Variants in EPB41L4A observed in about 807,000 individuals in gnomAD.
EPB41L4A encodes the protein band 4.1-like protein 4A.
EPB41L4A carries 100 observed loss-of-function variants against 108.6 expected under a neutral mutation model. The ratio of observed to expected loss-of-function variants is 0.92; its 90% CI spans 0.78 to 1.09. EPB41L4A has a LOEUF of 1.09. Among genes scored for constraint, EPB41L4A ranks in the 50% least tolerant of loss-of-function variants. EPB41L4A has a pLI of 0.00. For missense variants in EPB41L4A, 1,030 were observed against 842.7 expected, an observed-to-expected ratio of 1.22 and a Z score of -2.75; for synonymous variants, 319 against 289.0, an observed-to-expected ratio of 1.10 and a Z score of -1.05.
rs1022605371 is a variant in EPB41L4A, at chr5:112,163,111, A to C, written c.*1879T>G. 6.6e-6 allele frequency: 1 copy of C among 152,218 alleles called. No homozygotes were observed. Among genetic ancestry groups the C allele is most frequent in the Non-Finnish European group, 1.5e-5 (1 of 68,046 alleles). 9.4% of individuals were successfully genotyped at this position (152,218 alleles called of 1,614,324 possible). A position where few individuals can be genotyped will look rare whatever the true frequency, so the allele number is the denominator to read the frequency against. ...GGTGGAAAATCAGATTTGCAAGAAA[A>C]GGTAGTTGAACTAGGTTGCTTATTG... On this transcript the variant is annotated 3_prime_UTR_variant, in exon 23 of 23. Transcript: ENST00000261486.
intron 15 of EPB41L4A, among the ~76,000 whole-genome samples, chr5:112,197,507 T>C (rs933678317): frequency 3.3e-5 from 5 of 152,242 alleles, no homozygotes; most frequent in African/African-American, 1.2e-4. Flanking sequence ...GTTCCAGGAA[T>C]ATGATTCCAT....
At chr5:112,323,231 C>A (rs1036831326) in intron 1 of EPB41L4A, among the ~76,000 whole-genome samples, 1 of 151,790 alleles carries the variant, frequency 6.6e-6, no homozygotes, top group African/African-American at 2.4e-5. Flanking sequence ...GAAGGAGGGA[C>A]AAAATAAAAG....
intron 4 of EPB41L4A, among the ~76,000 whole-genome samples, chr5:112,270,892 G>A (rs1365032401): frequency 6.6e-6 from 1 of 152,282 alleles, no homozygotes; most frequent in South Asian, 2.1e-4. Flanking sequence ...CACCTGTTTT[G>A]AGACTCTAAA....
intron 18 of EPB41L4A, among the ~76,000 whole-genome samples, chr5:112,176,467 C>G (rs561266687): frequency 7.8e-4 from 119 of 152,270 alleles, no homozygotes; most frequent in African/African-American, 2.8e-3. Context: ...CTCTCCCCCC[C>G]AAAACATTCC....
At chr5:112,181,430 G>A (rs909353635) in intron 18 of EPB41L4A, among the ~76,000 whole-genome samples, 13 of 151,764 alleles carry the variant, frequency 8.6e-5, no homozygotes, top group African/African-American at 2.7e-4. Context: ...CAGCCTGGGC[G>A]ACAGAGCGAG....
intron 18 of EPB41L4A, among the ~76,000 whole-genome samples, chr5:112,177,127 T>C (rs1580372540): frequency 6.6e-6 from 1 of 152,194 alleles, no homozygotes; most frequent in African/African-American, 2.4e-5. Context: ...AACTGCACTT[T>C]GGCCGTATCA....
intron 2 of EPB41L4A, among the ~76,000 whole-genome samples, chr5:112,292,769 T>G (rs913469192): frequency 6.6e-5 from 10 of 152,206 alleles, no homozygotes; most frequent in African/African-American, 2.4e-4. Context: ...TCAAGGTTAA[T>G]TTATCAGAGC....
At chr5:112,193,863 G>A (rs989202968) in intron 17 of EPB41L4A, among the ~76,000 whole-genome samples, 3 of 152,204 alleles carry the variant, frequency 2.0e-5, no homozygotes, top group Non-Finnish European at 2.9e-5. Flanking sequence ...AAGGCAGGGA[G>A]GACAAAACTC....
chr5:112,319,979 T>C (rs748289521), intron 1 of EPB41L4A, among the ~76,000 whole-genome samples: 1 of 152,230 alleles, frequency 6.6e-6, no homozygotes, highest in African/African-American at 2.4e-5. Flanking sequence ...ATAAAGCCTA[T>C]GTGGTAAAAC....
chr5:112,340,538 A>G (rs1422081097), intron 1 of EPB41L4A, among the ~76,000 whole-genome samples: 2 of 152,184 alleles, frequency 1.3e-5, no homozygotes, highest in Non-Finnish European at 2.9e-5. Context: ...TACTTAGATT[A>G]CTTCCTTCAA....
chr5:112,407,287 A>C (rs1406752692), intron 1 of EPB41L4A, among the ~76,000 whole-genome samples: 2 of 152,200 alleles, frequency 1.3e-5, no homozygotes, highest in Non-Finnish European at 2.9e-5. Flanking sequence ...TGTAAAGCTT[A>C]TATTATGCCA....
At position 112,346,216 on chromosome 5, in the gene EPB41L4A, A is replaced by ATTTTTCTTT. The variant is rs1757662265; in HGVS notation, c.100-38727_100-38726insAAAGAAAAA. 4.5e-5 allele frequency among the ~76,000 whole-genome samples: 3 copies of ATTTTTCTTT among 67,294 alleles called. 1 individual carries two copies. The highest frequency in any genetic ancestry group is 9.3e-5 in the Non-Finnish European group (3 of 32,336). The allele number at this position is 67,294 out of a possible 152,430, so 44.1% of individuals were successfully genotyped here. A position where few individuals can be genotyped will look rare whatever the true frequency, so the allele number is the denominator to read the frequency against. ...AATTCTTTAAAGTTAGGTACATTGC[A>ATTTTTCTTT]TTTTTTTTTTTTTTTTTTTTTTTTT... On this transcript the variant is annotated intron_variant, in intron 1 of 22. Transcript: ENST00000261486.
intron 13 of EPB41L4A, among the ~76,000 whole-genome samples, chr5:112,144,913 G>A (rs73787779): frequency 6.6e-6 from 1 of 152,090 alleles, no homozygotes; most frequent in Non-Finnish European, 1.5e-5. Flanking sequence ...AGAAGAGGGA[G>A]GGGATCCCCT....
At chr5:112,297,566 C>T (rs1364598513) in intron 2 of EPB41L4A, among the ~76,000 whole-genome samples, 1 of 152,130 alleles carries the variant, frequency 6.6e-6, no homozygotes, top group Non-Finnish European at 1.5e-5. Context: ...TGAAGATCTT[C>T]TCCCACTCTG....
chr5:112,321,623 C>A lies in EPB41L4A; in HGVS notation c.100-14133G>T, dbSNP rs75012358. Reference sequence around the variant, plus strand: ...CATCTAACTTCTGCTTCAAGTTACTCATTTGGGGAGCATTTCTGCCCTGGT... The same window carrying A: ...CATCTAACTTCTGCTTCAAGTTACTAATTTGGGGAGCATTTCTGCCCTGGT... On this transcript the variant is annotated intron_variant, in intron 1 of 22. Coordinates refer to ENST00000261486, the MANE Select transcript of EPB41L4A (RefSeq NM_022140.5). Among the ~76,000 whole-genome samples the A allele has an allele frequency of 7.0e-4, 107 of 152,338 alleles. No homozygotes were observed. In the East Asian group the frequency reaches 0.018, roughly 25 times the overall value.
At chr5:112,387,352 C>T (rs904186215) in intron 1 of EPB41L4A, among the ~76,000 whole-genome samples, 1 of 152,198 alleles carries the variant, frequency 6.6e-6, no homozygotes, top group African/African-American at 2.4e-5. Context: ...ATGGGTTGGG[C>T]ACGGTGGCTC....
chr5:112,313,189 T>C (rs56734773), intron 1 of EPB41L4A, among the ~76,000 whole-genome samples: 1 of 152,136 alleles, frequency 6.6e-6, no homozygotes, highest in African/African-American at 2.4e-5. Flanking sequence ...ACCAGCCTAT[T>C]AGAATCCCTG....
At chr5:112,218,060 G>A (rs1247768401) in intron 12 of EPB41L4A, among the ~76,000 whole-genome samples, 2 of 152,182 alleles carry the variant, frequency 1.3e-5, no homozygotes, top group African/African-American at 2.4e-5. Flanking sequence ...GCTACAGAGT[G>A]TGTGGAGGAG....
intron 12 of EPB41L4A, among the ~76,000 whole-genome samples, chr5:112,213,171 A>C (rs1013965276): frequency 6.6e-6 from 1 of 152,128 alleles, no homozygotes; most frequent in Non-Finnish European, 1.5e-5. Flanking sequence ...GCATAGCCAA[A>C]CTTTTTCAAA....
Sources: allele counts gnomAD v4.1 joint callset (sites outside exome capture counted in the v4.1 genomes callset), GRCh38; gene constraint gnomAD v4.1.1; transcripts MANE v1.5; gene names NCBI Gene and HGNC (gene_info 2026-07-23, HGNC 2026-07-21).